The following GDAP1 variants were observed in gnomAD, a reference collection of about 807,000 sequenced individuals.
GDAP1 encodes ganglioside induced differentiation associated protein 1.
Under a neutral mutation model 40.1 loss-of-function variants are expected in GDAP1, and 34 were observed. That is an observed-to-expected ratio of 0.85 (90% CI 0.64 to 1.13). The LOEUF (loss-of-function observed/expected upper bound fraction) is 1.13. Among genes scored for constraint, GDAP1 ranks in the 50% most tolerant of loss-of-function variants. The probability of loss-of-function intolerance (pLI) is 0.00; values close to 1 mark genes in which losing one functional copy is unlikely to be tolerated. For missense variants in GDAP1, 374 were observed against 433.7 expected (o/e 0.86, Z 1.22); for synonymous variants, 170 against 157.4 (o/e 1.08, Z -0.60).
chr8:74,391,120 G>A (rs967051509), intron 2 of GDAP1, among the ~76,000 whole-genome samples: 2 of 152,110 alleles, frequency 1.3e-5, no homozygotes. Flanking sequence ...TGGGCTCCAT[G>A]GGGGTGGGAT....
At chr8:74,487,162 T>C (rs540134232) in intron 2 of GDAP1, among the ~76,000 whole-genome samples, 6 of 152,244 alleles carry the variant, frequency 3.9e-5, no homozygotes, top group African/African-American at 1.4e-4. Context: ...TTATTAATAT[T>C]ATATGTGAAA....
chr8:74,356,717 T>TATATATATATATA (rs1554547167), intron 2 of GDAP1, among the ~76,000 whole-genome samples: 1 of 22,238 alleles, frequency 4.5e-5, no homozygotes, highest in African/African-American at 7.3e-5. Context: ...TATATATATA[T>TATATATATATATA]TTTTTTTTTT....
At chr8:74,385,950 T>A (rs1056204449) in intron 2 of GDAP1, among the ~76,000 whole-genome samples, 1 of 152,164 alleles carries the variant, frequency 6.6e-6, no homozygotes, top group Non-Finnish European at 1.5e-5. Flanking sequence ...GATGATGAGC[T>A]TTTTTTCATA....
chr8:74,464,415 GTAAGACCC>G (rs1488010434), intron 2 of GDAP1, among the ~76,000 whole-genome samples: 2 of 152,192 alleles, frequency 1.3e-5, no homozygotes, highest in Non-Finnish European at 2.9e-5. Context: ...TTGGTTTTCT[GTAAGACCC>G]TAAGCAACAG....
At chr8:74,429,132 G>C (rs1805994459) in intron 2 of GDAP1, among the ~76,000 whole-genome samples, 1 of 151,902 alleles carries the variant, frequency 6.6e-6, no homozygotes, top group African/African-American at 2.4e-5. Flanking sequence ...CATTTGGGTT[G>C]GTTCCAAGTC....
chr8:74,468,713 A>G (rs1254407207), intron 2 of GDAP1, among the ~76,000 whole-genome samples: 1 of 152,168 alleles, frequency 6.6e-6, no homozygotes, highest in Non-Finnish European at 1.5e-5. Context: ...TGATGCTCTT[A>G]TATTCCAAGA....
intron 2 of GDAP1, among the ~76,000 whole-genome samples, chr8:74,456,619 T>TA (rs1269927857): frequency 1.3e-5 from 2 of 151,884 alleles, no homozygotes; most frequent in African/African-American, 4.8e-5. Flanking sequence ...TGCTAGTAGA[T>TA]ATGGACAGGA....
At chr8:74,405,544 GT>G (rs1270677245) in intron 2 of GDAP1, among the ~76,000 whole-genome samples, 1 of 150,074 alleles carries the variant, frequency 6.7e-6, no homozygotes, top group African/African-American at 2.5e-5. Flanking sequence ...AAAGTTTACT[GT>G]TGTCCGTGCT....
chr8:74,371,509 A>C (rs1466959431), downstream of GDAP1, among the ~76,000 whole-genome samples: 1 of 151,756 alleles, frequency 6.6e-6, no homozygotes, highest in Non-Finnish European at 1.5e-5. Context: ...AAATACAAAA[A>C]ATTAGCCGGG....
chr8:74,472,781 G>A (rs1025466775), intron 2 of GDAP1, among the ~76,000 whole-genome samples: 4 of 148,482 alleles, frequency 2.7e-5, no homozygotes, highest in African/African-American at 7.5e-5. Context: ...ACATGGTGTC[G>A]CTCTGTTGCC....
chr8:74,436,975 G>A (rs1168653795), intron 2 of GDAP1, among the ~76,000 whole-genome samples: 1 of 152,156 alleles, frequency 6.6e-6, no homozygotes, highest in Non-Finnish European at 1.5e-5. Context: ...AGCAGAAGGA[G>A]AAGTCATTTT....
chr8:74,398,118 A>G (rs1810242192), intron 2 of GDAP1, among the ~76,000 whole-genome samples: 1 of 152,060 alleles, frequency 6.6e-6, no homozygotes, highest in African/African-American at 2.4e-5. Context: ...CTTTGAAGCA[A>G]TTGTGAATGG....
At chr8:74,381,748 T>A (rs147208246) in intron 2 of GDAP1, among the ~76,000 whole-genome samples, 1 of 116,612 alleles carries the variant, frequency 8.6e-6, no homozygotes, top group African/African-American at 3.2e-5. Flanking sequence ...AGAGCGAAAC[T>A]CCATCTCAAA....
Position 74,364,789 on chromosome 8 carries a change from T to C in GDAP1, c.*422T>C. The C allele has an allele frequency of 2.2e-6, 1 of 457,100 alleles. No individual in the cohort carries two copies. Among genetic ancestry groups the C allele is most frequent in the Non-Finnish European group, 4.4e-6 (1 of 228,976 alleles). The allele number at this position is 457,100 out of a possible 1,614,324, so 28.3% of individuals were successfully genotyped here. A position where few individuals can be genotyped will look rare whatever the true frequency, so the allele number is the denominator to read the frequency against. ...TAGGGAATCACTGGGGATAGTGGGC[T>C]GGAGAGAACCCCAGGCTTTATATGT... is the stretch of plus-strand genomic sequence containing the variant. On this transcript the variant is annotated 3_prime_UTR_variant, in exon 6 of 6. Coordinates refer to ENST00000220822, the MANE Select transcript of GDAP1 (RefSeq NM_018972.4).
chr8:74,392,256 A>G (rs1418464792), intron 2 of GDAP1, among the ~76,000 whole-genome samples: 1 of 152,244 alleles, frequency 6.6e-6, no homozygotes, highest in Non-Finnish European at 1.5e-5. Flanking sequence ...TTTAGATTAA[A>G]TGATCATGGA....
intron 2 of GDAP1, among the ~76,000 whole-genome samples, chr8:74,396,642 G>A (rs1274422873): frequency 1.3e-5 from 2 of 152,008 alleles, no homozygotes; most frequent in African/African-American, 2.4e-5. Flanking sequence ...TACTGAGAAT[G>A]ATGATTTCCA....
intron 2 of GDAP1, among the ~76,000 whole-genome samples, chr8:74,478,112 G>A (rs1256196746): frequency 2.0e-5 from 3 of 151,920 alleles, no homozygotes; most frequent in Non-Finnish European, 4.4e-5. Flanking sequence ...GGTGCTGGTG[G>A]GGTGGTGGGG....
At chr8:74,433,443 C>G (rs958352381) in intron 2 of GDAP1, among the ~76,000 whole-genome samples, 1 of 152,078 alleles carries the variant, frequency 6.6e-6, no homozygotes, top group African/African-American at 2.4e-5. Context: ...GTTAGATGAA[C>G]ATTTTCTAAC....
At chr8:74,456,083 T>A (rs1441758853) in intron 2 of GDAP1, among the ~76,000 whole-genome samples, 1 of 151,922 alleles carries the variant, frequency 6.6e-6, no homozygotes, top group African/African-American at 2.4e-5. Context: ...ATTATTAAAC[T>A]CCTCTCATTA....
Sources: gnomAD v4.1 joint callset for allele counts (sites outside exome capture counted in the v4.1 genomes callset) on GRCh38, gnomAD v4.1.1 for gene constraint, MANE v1.5 for transcripts, NCBI Gene and HGNC (gene_info 2026-07-23, HGNC 2026-07-21) for gene names.